The following COLEC10 variants were observed in gnomAD, a reference collection of about 807,000 sequenced individuals.
COLEC10 encodes the protein collectin-10.
COLEC10 carries 22 observed loss-of-function variants against 28.4 expected under a neutral mutation model. The observed-to-expected ratio is 0.78, with a 90% confidence interval of 0.55 to 1.11. The LOEUF is 1.11. COLEC10 is among the 50% of genes least tolerant of loss of function. COLEC10 has a pLI of 0.00. For missense variants in COLEC10, 361 were observed against 344.1 expected (o/e 1.05, Z -0.39); for synonymous variants, 125 against 116.1 (o/e 1.08, Z -0.49).
At chr8:119,059,700 A>C (rs1385511) in intron 2 of COLEC10, among the ~76,000 whole-genome samples, 3 of 151,796 alleles carry the variant, frequency 2.0e-5, no homozygotes, top group Non-Finnish European at 4.4e-5. Flanking sequence ...TTTTCCATAC[A>C]TGAAGGCCTC....
intron 1 of COLEC10, among the ~76,000 whole-genome samples, chr8:119,087,802 C>A (rs779323200): frequency 6.6e-6 from 1 of 152,036 alleles, no homozygotes; most frequent in Non-Finnish European, 1.5e-5. Context: ...GGGATAGAAA[C>A]GTACATGTTG....
intron 2 of COLEC10, among the ~76,000 whole-genome samples, chr8:119,031,069 G>A (rs546694808): frequency 3.0e-4 from 46 of 152,266 alleles, no homozygotes; most frequent in African/African-American, 9.4e-4. Flanking sequence ...CAGATTAAAC[G>A]TCTCTGGAAT....
Position 119,105,975 on chromosome 8 carries a change from G to C in COLEC10, c.618G>C (p.Arg206=). ...ADYVAKSGFF[R]VFIGVNDLER... is the part of the protein sequence containing the mutation. Reference sequence around the variant, plus strand: ...ATGTTGCCAAGAGTGGCTTCTTTCGGGTGTTCATTGGCGTGAATGACCTTG... The same window carrying C: ...ATGTTGCCAAGAGTGGCTTCTTTCGCGTGTTCATTGGCGTGAATGACCTTG... The change falls in exon 6 of 6, where the codon CGG becomes CGC. Residue 206 remains arginine (R), a synonymous_variant. Transcript: ENST00000332843. 3 of 1,613,826 alleles carry C rather than the reference G, an allele frequency of 1.9e-6. No homozygotes were observed. Among genetic ancestry groups the C allele is most frequent in the Non-Finnish European group, 1.7e-6 (2 of 1,179,894 alleles).
At chr8:119,058,405 A>G (rs1814799186) in intron 2 of COLEC10, among the ~76,000 whole-genome samples, 1 of 151,946 alleles carries the variant, frequency 6.6e-6, no homozygotes, top group Admixed American at 6.6e-5. Context: ...CATTGTGTCC[A>G]TTTTCAAAAA....
At chr8:119,035,812 T>A (rs1814379491) in intron 2 of COLEC10, among the ~76,000 whole-genome samples, 1 of 152,200 alleles carries the variant, frequency 6.6e-6, no homozygotes, top group Non-Finnish European at 1.5e-5. Context: ...CTGGTAGCTA[T>A]CAAGGATGTG....
chr8:119,069,623 A>ATAT (rs1815053272), intron 1 of COLEC10, among the ~76,000 whole-genome samples: 1 of 54,360 alleles, frequency 1.8e-5, no homozygotes, highest in Non-Finnish European at 3.3e-5. Context: ...AAAAAAAAAA[A>ATAT]AAAAAAATAT....
At chr8:118,967,077 T>C in the COLEC10 span, among the ~76,000 whole-genome samples, 1 of 152,126 alleles carries the variant, frequency 6.6e-6, no homozygotes. Context: ...TCAGTATTTA[T>C]TAAGACACAG....
intron 1 of COLEC10, among the ~76,000 whole-genome samples, chr8:118,998,329 A>T (rs1318098031): frequency 6.6e-6 from 1 of 152,142 alleles, no homozygotes; most frequent in Non-Finnish European, 1.5e-5. Flanking sequence ...TTAATAGGAA[A>T]CATTCATTCT....
At chr8:119,088,552 T>A (rs1395926665) in intron 1 of COLEC10, among the ~76,000 whole-genome samples, 1 of 152,230 alleles carries the variant, frequency 6.6e-6, no homozygotes, top group Non-Finnish European at 1.5e-5. Context: ...GCTCAAACTG[T>A]CTCATCCCAA....
the COLEC10 span, among the ~76,000 whole-genome samples, chr8:118,973,607 C>G: frequency 0.017 from 2,587 of 152,064 alleles, 62 homozygotes; most frequent in African/African-American, 0.058. Context: ...AACCTAATCA[C>G]AGAAGCGACA....
intron 1 of COLEC10, among the ~76,000 whole-genome samples, chr8:118,997,783 A>G (rs983780637): frequency 2.0e-5 from 3 of 152,190 alleles, no homozygotes; most frequent in African/African-American, 7.2e-5. Context: ...GAAATTCACA[A>G]GAGTTAAATG....
chr8:119,014,052 C>T (rs1175861034), intron 2 of COLEC10, among the ~76,000 whole-genome samples: 2 of 150,718 alleles, frequency 1.3e-5, no homozygotes, highest in Admixed American at 6.6e-5. Context: ...CATATACACA[C>T]ACATTCAAAT....
intron 1 of COLEC10, among the ~76,000 whole-genome samples, chr8:119,001,075 A>G (rs540001183): frequency 2.6e-5 from 4 of 152,312 alleles, no homozygotes; most frequent in African/African-American, 9.6e-5. Flanking sequence ...AGTGAGCTTC[A>G]GGGGTGCAGT....
intron 1 of COLEC10, among the ~76,000 whole-genome samples, chr8:119,079,995 G>A (rs1815338178): frequency 6.6e-6 from 1 of 152,008 alleles, no homozygotes; most frequent in African/African-American, 2.4e-5. Flanking sequence ...CCTTGCATTT[G>A]TTTAGCATGT....
intron 3 of COLEC10, among the ~76,000 whole-genome samples, chr8:119,092,588 A>C (rs2130285463): frequency 6.6e-6 from 1 of 152,260 alleles, no homozygotes; most frequent in African/African-American, 2.4e-5. Context: ...TTCATAGACT[A>C]TTCAGGAAGA....
intron 1 of COLEC10, chr8:119,068,252 A>G (rs994940655): frequency 6.6e-6 from 1 of 152,240 alleles, no homozygotes; most frequent in African/African-American, 2.4e-5. Context: ...TCCAAAAAAC[A>G]AAATTCAGAA....
chr8:118,961,702 G>A, the COLEC10 span, among the ~76,000 whole-genome samples: 1 of 152,184 alleles, frequency 6.6e-6, no homozygotes, highest in Non-Finnish European at 1.5e-5. Flanking sequence ...GCGTCAAAGT[G>A]GTGTTGGCTT....
chr8:119,105,926 C>A lies in COLEC10; in HGVS notation c.569C>A (p.Ala190Asp). The change falls in exon 6 of 6, where the codon GCT becomes GAT. Residue 190 changes from alanine to aspartate, a missense_variant. By Grantham distance (126) the Ala-to-Asp change is moderately radical. Coordinates refer to ENST00000332843, the MANE Select transcript of COLEC10 (RefSeq NM_006438.5). Reference sequence around the variant, plus strand: ...ATGCTAGCCATGCCCAAGGATGAAGCTGCCAACACACTCATCGCTGACTAT... The same window carrying A: ...ATGCTAGCCATGCCCAAGGATGAAGATGCCAACACACTCATCGCTGACTAT... ...GGMLAMPKDE[A>D]ANTLIADYVA... 6.2e-7 allele frequency: 1 copy of A among 1,613,860 alleles called. No homozygotes were observed.
intron 2 of COLEC10, among the ~76,000 whole-genome samples, chr8:119,020,668 G>A (rs1310107181): frequency 6.6e-6 from 1 of 152,042 alleles, no homozygotes; most frequent in Non-Finnish European, 1.5e-5. Flanking sequence ...GTATTATCAT[G>A]GACACAAATA....
Sources: gnomAD v4.1 joint callset for allele counts (sites outside exome capture counted in the v4.1 genomes callset) on GRCh38, gnomAD v4.1.1 for gene constraint, MANE v1.5 for transcripts, NCBI Gene and HGNC (gene_info 2026-07-23, HGNC 2026-07-21) for gene names.